The following SLC4A4 variants were observed in gnomAD, a reference collection of about 807,000 sequenced individuals.
SLC4A4 encodes the protein solute carrier family 4 member 4, also known as electrogenic sodium bicarbonate cotransporter 1.
A neutral mutation model predicts 111.5 loss-of-function variants in SLC4A4; 27 were observed. The observed-to-expected ratio is 0.24, with a 90% CI of 0.18 to 0.33. SLC4A4 has a LOEUF of 0.33. SLC4A4 is among the 10% of genes least tolerant of loss of function. The pLI, the probability that SLC4A4 is intolerant of heterozygous loss-of-function variation, is 1.00. For synonymous variants in SLC4A4, 443 were observed against 463.4 expected (o/e 0.96, Z 0.57); for missense variants, 909 against 1,315.5 (o/e 0.69, Z 4.78).
chr4:71,218,509 T>C (rs1718562025), intron 1 of SLC4A4, among the ~76,000 whole-genome samples: 1 of 152,214 alleles, frequency 6.6e-6, no homozygotes, highest in African/African-American at 2.4e-5. Flanking sequence ...AATATTAGAA[T>C]GGTGCTTAGT....
chr4:71,301,145 C>A, intron 3 of SLC4A4: 1 of 339,656 alleles, frequency 2.9e-6, no homozygotes, highest in Non-Finnish European at 5.8e-6. Flanking sequence ...ATGGGCACCA[C>A]ACGTGGCAGT....
intron 3 of SLC4A4, among the ~76,000 whole-genome samples, chr4:71,318,844 C>G (rs750772192): frequency 7.2e-6 from 1 of 138,922 alleles, no homozygotes; most frequent in Non-Finnish European, 1.5e-5. Context: ...TTTTAAGGAA[C>G]ATGGTTAATG....
At chr4:71,403,857 C>T (rs951107131) in intron 7 of SLC4A4, among the ~76,000 whole-genome samples, 25 of 152,026 alleles carry the variant, frequency 1.6e-4, no homozygotes, top group Non-Finnish European at 4.4e-5. Context: ...TGTGTTGGAT[C>T]GTCTGGTGTT....
At chr4:71,433,543 A>C (rs939531109) in intron 7 of SLC4A4, among the ~76,000 whole-genome samples, 26 of 152,080 alleles carry the variant, frequency 1.7e-4, no homozygotes, top group African/African-American at 6.3e-4. Context: ...GCCCTGTGTC[A>C]GATGGATAGA....
In SLC4A4 at chr4:71,156,576, G is replaced by A. The variant is rs1216749908; in HGVS notation, c.-2+63784G>A. 5.2e-5 allele frequency among the ~76,000 whole-genome samples: 5 copies of A among 96,792 alleles called. No homozygotes were observed. The Admixed American group carries it at 6.1e-4, about 12-fold the overall frequency. The allele number at this position is 96,792 out of a possible 152,430, so 63.5% of individuals were successfully genotyped here. On this transcript the variant is annotated intron_variant, in intron 2 of 26. Transcript: ENST00000649996. ...TCCAAATAAGTGTGTGCGCGCATGC[G>A]CGCGCGCGCGCGCACACACACACAC... is the stretch of plus-strand genomic sequence containing the variant.
intron 7 of SLC4A4, among the ~76,000 whole-genome samples, chr4:71,417,339 G>C (rs1177174570): frequency 2.0e-5 from 3 of 152,128 alleles, no homozygotes; most frequent in African/African-American, 7.2e-5. Flanking sequence ...CAGGGAAGGT[G>C]GGGGGTAGTC....
At chr4:71,237,373 A>T (rs967274683) in intron 2 of SLC4A4, among the ~76,000 whole-genome samples, 1 of 152,226 alleles carries the variant, frequency 6.6e-6, no homozygotes, top group Non-Finnish European at 1.5e-5. Context: ...ATATGAAGGC[A>T]TCACAGATAT....
chr4:71,429,171 A>G (rs146397698), intron 7 of SLC4A4, among the ~76,000 whole-genome samples: 1,570 of 152,250 alleles, frequency 0.01, 42 homozygotes, highest in African/African-American at 0.035. Context: ...TATTAATGAT[A>G]TGATTATCCC....
At chr4:71,181,808 C>T (rs1019740245) in intron 2 of SLC4A4, among the ~76,000 whole-genome samples, 4 of 152,136 alleles carry the variant, frequency 2.6e-5, no homozygotes, top group African/African-American at 9.7e-5. Flanking sequence ...TCCTTGACCC[C>T]CCCACTTGAA....
chr4:71,476,244 G>A (rs963801560), intron 14 of SLC4A4, among the ~76,000 whole-genome samples: 1 of 151,716 alleles, frequency 6.6e-6, no homozygotes, highest in South Asian at 2.1e-4. Flanking sequence ...GTAGCAAACT[G>A]AATACATTCA....
intron 2 of SLC4A4, among the ~76,000 whole-genome samples, chr4:71,142,882 C>T (rs2148967215): frequency 6.6e-6 from 1 of 151,584 alleles, no homozygotes; most frequent in African/African-American, 2.4e-5. Flanking sequence ...AAATTCCTCC[C>T]ACCTTTCCAA....
At chr4:71,111,124 G>T (rs1185677965) in intron 2 of SLC4A4, among the ~76,000 whole-genome samples, 1 of 152,128 alleles carries the variant, frequency 6.6e-6, no homozygotes, top group Non-Finnish European at 1.5e-5. Context: ...TTAATCTCAT[G>T]AACTCAGTGT....
rs1266811252 is a variant in SLC4A4 at position 71,560,251 on chromosome 4, T to C, written c.3096T>C (p.Asp1032=). 3.1e-6 allele frequency: 5 copies of C among 1,605,508 alleles called. No individual in the cohort carries two copies. The highest frequency in any genetic ancestry group is 1.3e-5 in the African/African-American group (1 of 74,730). ...AGGGAAGTCTGGACAGTGACAATGA[T>C]GATGTAAGGAACTTTCCAAATTCCA... ...KKKGSLDSDN[D]DSDCPYSEKV... Residue 1032 remains aspartate (D), a synonymous_variant, in exon 23 of 26, where the codon GAT becomes GAC. Transcript: ENST00000264485.
intron 6 of SLC4A4, among the ~76,000 whole-genome samples, chr4:71,384,227 G>C (rs187794182): frequency 4.1e-4 from 63 of 152,272 alleles, no homozygotes; most frequent in Non-Finnish European, 7.2e-4. Flanking sequence ...CTCCAAGGGG[G>C]AGAAAATGAG....
At chr4:71,264,588 G>C (rs933179380) in intron 3 of SLC4A4, among the ~76,000 whole-genome samples, 1 of 151,968 alleles carries the variant, frequency 6.6e-6, no homozygotes, top group African/African-American at 2.4e-5. Context: ...TGTTACCAAG[G>C]TATGGAAATA....
intron 2 of SLC4A4, among the ~76,000 whole-genome samples, chr4:71,246,719 G>A (rs1390391872): frequency 6.8e-6 from 1 of 146,560 alleles, no homozygotes; most frequent in Non-Finnish European, 1.5e-5. Context: ...TAACTTGAAA[G>A]GATTAATCGT....
At chr4:71,308,364 C>A (rs1240740668) in intron 3 of SLC4A4, among the ~76,000 whole-genome samples, 1 of 152,084 alleles carries the variant, frequency 6.6e-6, no homozygotes, top group South Asian at 2.1e-4. Flanking sequence ...GATATAAGCC[C>A]ATCCAGAGCA....
chr4:71,068,211 A>T (rs1741577902), intron 1 of SLC4A4, among the ~76,000 whole-genome samples: 1 of 151,646 alleles, frequency 6.6e-6, no homozygotes, highest in Non-Finnish European at 1.5e-5. Flanking sequence ...ATTACAGGCA[A>T]GTGCCACCAC....
intron 1 of SLC4A4, among the ~76,000 whole-genome samples, chr4:71,223,457 C>T (rs557669588): frequency 1.3e-5 from 2 of 152,250 alleles, no homozygotes; most frequent in South Asian, 4.2e-4. Context: ...GCCACCGTGC[C>T]CGGCCTGCAC....
Sources: gnomAD v4.1 joint callset for allele counts (sites outside exome capture counted in the v4.1 genomes callset) on GRCh38, gnomAD v4.1.1 for gene constraint, MANE v1.5 for transcripts, NCBI Gene and HGNC (gene_info 2026-07-23, HGNC 2026-07-21) for gene names.